TAFA5: variants seen among roughly 807,000 people sequenced by gnomAD.
TAFA5 encodes the protein chemokine-like protein TAFA-5.
In TAFA5, 6 loss-of-function variants were observed where a neutral mutation model predicts 15.3. The observed-to-expected ratio is 0.39, with a 90% CI of 0.21 to 0.77. The LOEUF (loss-of-function observed/expected upper bound fraction) is 0.77, where lower values mean the gene tolerates loss of function less well. Ranked by LOEUF, TAFA5 falls within the 30% of genes least tolerant of loss-of-function variation. The pLI, the probability that TAFA5 is intolerant of heterozygous loss-of-function variation, is 0.41. For missense variants in TAFA5, 161 were observed against 193.1 expected, an observed-to-expected ratio of 0.83 and a Z score of 0.98; for synonymous variants, 103 against 80.7, an observed-to-expected ratio of 1.28 and a Z score of -1.48.
intron 1 of TAFA5, among the ~76,000 whole-genome samples, chr22:48,521,284 G>A (rs1921592246): frequency 6.6e-6 from 1 of 152,140 alleles, no homozygotes; most frequent in Non-Finnish European, 1.5e-5. Flanking sequence ...CCCGATTTGG[G>A]TTTGTTGTAT....
intron 1 of TAFA5, among the ~76,000 whole-genome samples, chr22:48,642,370 C>A (rs924877142): frequency 2.6e-5 from 4 of 152,204 alleles, no homozygotes; most frequent in African/African-American, 9.6e-5. Context: ...TCCAGGCTAT[C>A]ATGCCCCACA....
At chr22:48,575,822 G>A (rs1335811476) in intron 1 of TAFA5, among the ~76,000 whole-genome samples, 1 of 143,036 alleles carries the variant, frequency 7.0e-6, no homozygotes, top group African/African-American at 2.5e-5. Context: ...GCGATGGTGC[G>A]GCAGCCCCGC....
intron 2 of TAFA5, among the ~76,000 whole-genome samples, chr22:48,690,739 G>A (rs2147237694): frequency 6.6e-6 from 1 of 152,332 alleles, no homozygotes; most frequent in African/African-American, 2.4e-5. Flanking sequence ...CCCTCAAGCT[G>A]GACGTGACCT....
intron 1 of TAFA5, among the ~76,000 whole-genome samples, chr22:48,529,113 G>A: frequency 6.6e-6 from 1 of 152,094 alleles, no homozygotes. Flanking sequence ...TCGCTCTGGC[G>A]CTGCATGCCT....
At chr22:48,633,076 TTCCCAGGGGC>T (rs548087026) in intron 1 of TAFA5, among the ~76,000 whole-genome samples, 5 of 152,182 alleles carry the variant, frequency 3.3e-5, no homozygotes, top group South Asian at 2.1e-4. Context: ...ATGGAGGCAA[TTCCCAGGGGC>T]TCCCAGGGGC....
chr22:48,627,403 G>A (rs765110879), intron 1 of TAFA5, among the ~76,000 whole-genome samples: 25 of 152,248 alleles, frequency 1.6e-4, no homozygotes, highest in South Asian at 4.1e-4. Flanking sequence ...ATGGAGAAAT[G>A]CGTCAGCACC....
At chr22:48,634,241 CACTT>C (rs1282177161) in intron 1 of TAFA5, among the ~76,000 whole-genome samples, 1 of 152,140 alleles carries the variant, frequency 6.6e-6, no homozygotes, top group East Asian at 1.9e-4. Context: ...CTCATTCACT[CACTT>C]ATTCAATCAT....
intron 1 of TAFA5, among the ~76,000 whole-genome samples, chr22:48,548,023 C>T (rs555872070): frequency 3.3e-5 from 5 of 152,328 alleles, no homozygotes; most frequent in South Asian, 2.1e-4. Context: ...TTCCTGCCTG[C>T]GTCTTCGGAG....
At chr22:48,582,850 A>G (rs1235433508) in intron 1 of TAFA5, among the ~76,000 whole-genome samples, 2 of 150,350 alleles carry the variant, frequency 1.3e-5, no homozygotes, top group Non-Finnish European at 3.0e-5. Context: ...CACAAAATAC[A>G]CCACACACAC....
At chr22:48,625,149 AC>A (rs1468615185) in intron 1 of TAFA5, among the ~76,000 whole-genome samples, 1 of 151,402 alleles carries the variant, frequency 6.6e-6, no homozygotes, top group Admixed American at 6.6e-5. Flanking sequence ...AGAAACAAAA[AC>A]CTTGGTCTTG....
At chr22:48,542,304 T>C (rs1404460424) in intron 1 of TAFA5, among the ~76,000 whole-genome samples, 1 of 134,428 alleles carries the variant, frequency 7.4e-6, no homozygotes, top group Non-Finnish European at 1.6e-5. Flanking sequence ...GTGATGTGTG[T>C]GTAGTGTGTA....
intron 1 of TAFA5, among the ~76,000 whole-genome samples, chr22:48,637,773 G>A (rs995886729): frequency 4.6e-5 from 7 of 152,072 alleles, no homozygotes; most frequent in Admixed American, 2.6e-4. Flanking sequence ...AACCATCGAC[G>A]TCCCCAACAC....
chr22:48,540,688 T>A (rs1274137135), intron 1 of TAFA5, among the ~76,000 whole-genome samples: 1 of 151,892 alleles, frequency 6.6e-6, no homozygotes, highest in East Asian at 1.9e-4. Flanking sequence ...GTTACTGTAC[T>A]AAAATAATCT....
At chr22:48,693,182 C>T (rs1436967102) in intron 2 of TAFA5, 1 of 1,000,610 alleles carries the variant, frequency 1.0e-6, no homozygotes, top group African/African-American at 1.6e-5. Flanking sequence ...TCCTTGTCTG[C>T]CTGGAGGGGC....
chr22:48,648,401 CTGTGA>C (rs1243968511), intron 2 of TAFA5, among the ~76,000 whole-genome samples: 1 of 152,176 alleles, frequency 6.6e-6, no homozygotes, highest in Non-Finnish European at 1.5e-5. Flanking sequence ...TGCCCGTGTG[CTGTGA>C]TTGAGAACAC....
At chr22:48,492,964 A>G (rs1429763449) in intron 1 of TAFA5, among the ~76,000 whole-genome samples, 2 of 152,164 alleles carry the variant, frequency 1.3e-5, no homozygotes, top group African/African-American at 4.8e-5. Context: ...TCTTGCCTAG[A>G]TGTGGAATGG....
intron 1 of TAFA5, among the ~76,000 whole-genome samples, chr22:48,641,966 A>T: frequency 6.6e-6 from 1 of 152,240 alleles, no homozygotes; most frequent in South Asian, 2.1e-4. Context: ...TATCTCCAAG[A>T]AAAGGCCGGC....
chr22:48,532,882 T>C (rs1922021047), intron 1 of TAFA5, among the ~76,000 whole-genome samples: 2 of 152,144 alleles, frequency 1.3e-5, no homozygotes. Context: ...CACACTGTCT[T>C]TGCAACAGGG....
At chr22:48,648,236 GCAGGCCCCTGC>G (rs750477954) in intron 2 of TAFA5, among the ~76,000 whole-genome samples, 15 of 152,268 alleles carry the variant, frequency 9.9e-5, no homozygotes, top group Non-Finnish European at 1.8e-4. Context: ...CCCATGGATG[GCAGGCCCCTGC>G]CAGGCCTCCC....
Sources: allele counts gnomAD v4.1 joint callset (sites outside exome capture counted in the v4.1 genomes callset), GRCh38; gene constraint gnomAD v4.1.1; transcripts MANE v1.5; gene names NCBI Gene and HGNC (gene_info 2026-07-23, HGNC 2026-07-21).